KCNT1: variants seen among roughly 807,000 people sequenced by gnomAD.
KCNT1 encodes potassium sodium-activated channel subfamily T member 1, also known as potassium channel subfamily T member 1.
KCNT1 carries 78 observed loss-of-function variants against 147.8 expected under a neutral mutation model. The ratio of observed to expected loss-of-function variants is 0.53; its 90% CI spans 0.44 to 0.64. The LOEUF is 0.64. Ranked by LOEUF, KCNT1 falls within the 30% of genes least tolerant of loss-of-function variation. KCNT1 has a pLI of 0.00. For synonymous variants in KCNT1, 867 were observed against 748.8 expected, an observed-to-expected ratio of 1.16 and a Z score of -2.58; for missense variants, 1,419 against 1,750.3, an observed-to-expected ratio of 0.81 and a Z score of 3.38.
At chr9:135,788,212 C>T (rs748119772) in intron 29 of KCNT1, 3 of 1,457,846 alleles carry the variant, frequency 2.1e-6, no homozygotes, top group South Asian at 1.1e-5. Context: ...GGCTCGCCAA[C>T]CCTTCACCGC....
intron 1 of KCNT1, among the ~76,000 whole-genome samples, chr9:135,709,018 T>C (rs1285306988): frequency 2.0e-5 from 3 of 152,152 alleles, no homozygotes; most frequent in Non-Finnish European, 4.4e-5. Context: ...GCTGTTCCGT[T>C]TGCCATAACA....
intron 2 of KCNT1, among the ~76,000 whole-genome samples, chr9:135,749,867 T>C (rs992747515): frequency 6.6e-6 from 1 of 151,932 alleles, no homozygotes; most frequent in African/African-American, 2.4e-5. Flanking sequence ...TGCCCAGGGC[T>C]GCGGGGAGGA....
rs540489864 is a variant in KCNT1, at chr9:135,763,480, G to A, written c.1036-1551G>A. ...GACAGGCAGCTTAAACAGCAGATAT[G>A]TATCCTCCGCCAGCCCTGGAGGACA... On this transcript the variant is annotated intron_variant, in intron 11 of 30. Transcript: ENST00000371757. Among the ~76,000 whole-genome samples the A allele has an allele frequency of 2.0e-4, 30 of 152,328 alleles. 1 individual carries two copies. In the South Asian group the frequency reaches 5.8e-3, roughly 29 times the overall value.
chr9:135,755,226 G>T, intron 6 of KCNT1, 57 bp downstream of exon 6: 1 of 1,454,648 alleles, frequency 6.9e-7, no homozygotes, highest in Non-Finnish European at 9.4e-7. Context: ...AAGCACTGAG[G>T]ACCAACCCAG....
intron 2 of KCNT1, among the ~76,000 whole-genome samples, chr9:135,731,255 C>G (rs139437340): frequency 3.8e-4 from 58 of 152,298 alleles, no homozygotes; most frequent in African/African-American, 1.3e-3. Flanking sequence ...CAGTCATTCT[C>G]TGGGGATGGG....
At position 135,725,464 on chromosome 9, in the gene KCNT1, A is replaced by G. The variant is rs113495018; in HGVS notation, c.254+10744A>G. ...CAGACGCAGAGATCAGAGTGACGCT[A>G]CCACGAGCCCAGGGCCACCAGGAGC... is the stretch of plus-strand genomic sequence containing the variant. On this transcript the variant is annotated intron_variant, in intron 2 of 30. Coordinates refer to ENST00000371757, the MANE Select transcript of KCNT1 (RefSeq NM_020822.3). 5.8e-3 allele frequency among the ~76,000 whole-genome samples: 879 copies of G among 152,354 alleles called. 8 individuals carry two copies. Among genetic ancestry groups the G allele is most frequent in the African/African-American group, 0.02 (823 of 41,576 alleles).
At chr9:135,727,205 C>CT (rs1836234255) in intron 2 of KCNT1, among the ~76,000 whole-genome samples, 1 of 86,728 alleles carries the variant, frequency 1.2e-5, no homozygotes, top group Non-Finnish European at 2.3e-5. Context: ...TTCTCTCTCT[C>CT]CCTCTCCCTC....
rs1268373684 is a variant in KCNT1, at chr9:135,752,584, AGATGGGTGGAT to A, written c.435-1347_435-1337del. The A allele has an allele frequency of 1.7e-5, 6 of 359,054 alleles. No homozygotes were observed. Among genetic ancestry groups the A allele is most frequent in the Non-Finnish European group, 2.8e-5 (5 of 180,954 alleles). The allele number at this position is 359,054 out of a possible 1,614,324, so 22.2% of individuals were successfully genotyped here. ...GTCCAGGACATGGATGGGGGTGGGAAGATGGGTGGATGATGGATGGATGGTTGGATGGATGG... is the reference window on the plus strand; with the variant it reads ...GTCCAGGACATGGATGGGGGTGGGAAGATGGATGGATGGTTGGATGGATGG... On this transcript the variant is annotated intron_variant, in intron 4 of 30. Coordinates refer to ENST00000371757, the MANE Select transcript of KCNT1 (RefSeq NM_020822.3). This position sits in a 1 kb window ranked among gnomAD's most constrained non-coding sequence, Gnocchi z 5.1.
chr9:135,727,851 G>A (rs765193418), intron 2 of KCNT1, among the ~76,000 whole-genome samples: 3 of 152,210 alleles, frequency 2.0e-5, no homozygotes, highest in East Asian at 1.9e-4. Flanking sequence ...CTGACTGACC[G>A]TCCCAATCTG....
intron 13 of KCNT1, among the ~76,000 whole-genome samples, chr9:135,768,206 G>T (rs1263685817): frequency 7.3e-6 from 1 of 136,836 alleles, no homozygotes; most frequent in Non-Finnish European, 1.6e-5. Context: ...TGCCAGGGAT[G>T]GGCCAGGGAG....
rs562980960 is a variant in KCNT1, at chr9:135,719,555, C to T, written c.254+4835C>T. Reference sequence around the variant, plus strand: ...AGGGGTGGGGCAGGCAGCCACCCCCCGCCATGCTGCACCAGGACCCAGCCC... The same window carrying T: ...AGGGGTGGGGCAGGCAGCCACCCCCTGCCATGCTGCACCAGGACCCAGCCC... On this transcript the variant is annotated intron_variant, in intron 2 of 30. Coordinates refer to ENST00000371757, the MANE Select transcript of KCNT1 (RefSeq NM_020822.3). Among the ~76,000 whole-genome samples, 683 of 152,242 alleles carry T rather than the reference C, an allele frequency of 4.5e-3. 3 individuals are homozygous for T. Among genetic ancestry groups the T allele is most frequent in the African/African-American group, 0.014 (587 of 41,558 alleles).
At chr9:135,708,698 C>G (rs1462365197) in intron 1 of KCNT1, among the ~76,000 whole-genome samples, 2 of 152,222 alleles carry the variant, frequency 1.3e-5, no homozygotes, top group Non-Finnish European at 2.9e-5. Context: ...CTACAGGCAC[C>G]ATGCCTGGAT....
At chr9:135,735,726 C>T (rs1404411894) in intron 2 of KCNT1, among the ~76,000 whole-genome samples, 1 of 152,180 alleles carries the variant, frequency 6.6e-6, no homozygotes, top group Non-Finnish European at 1.5e-5. Context: ...AGATCCCTGG[C>T]TTGCAAGGAC....
In KCNT1 at chr9:135,751,024, G is replaced by C. The variant is rs542441332; in HGVS notation, c.417G>C (p.Pro139=). Residue 139 remains proline, a synonymous_variant, in exon 4 of 31, where the codon CCG becomes CCC. Coordinates refer to ENST00000371757, the MANE Select transcript of KCNT1 (RefSeq NM_020822.3). ...TTGTGCGCGTCCTGCTCGATGACCC[G>C]GCCCTGGGCATCGGATGGTGGGCCA... ...LYIVRVLLDD[P]ALGIGCWGCP... 12 of 1,611,602 alleles carry C rather than the reference G, an allele frequency of 7.4e-6. No homozygotes were observed. In the South Asian group the frequency reaches 7.7e-5, roughly 10 times the overall value.
At chr9:135,769,061 G>T (rs547501625) in intron 15 of KCNT1, 124 bp downstream of exon 15, 2 of 738,794 alleles carry the variant, frequency 2.7e-6, no homozygotes, top group East Asian at 5.5e-5. Context: ...GGGGCAGGAC[G>T]CGTGTGCACA....
At position 135,792,255 on chromosome 9, in the gene KCNT1, T is replaced by TG; in HGVS notation, c.*98dup. The TG allele has an allele frequency of 7.0e-7, 1 of 1,425,764 alleles. No homozygotes were observed. The highest frequency in any genetic ancestry group is 2.5e-5 in the East Asian group (1 of 40,532). 88.3% of individuals were successfully genotyped at this position (1,425,764 alleles called of 1,614,324 possible). A position where few individuals can be genotyped will look rare whatever the true frequency, so the allele number is the denominator to read the frequency against. ...GGACACGGTGGCACTAGCGTGACCC[T>TG]GGGGATGGCACACTCTACTCACCAT... On this transcript the variant is annotated 3_prime_UTR_variant, in exon 31 of 31. Transcript: ENST00000371757.
intron 9 of KCNT1, among the ~76,000 whole-genome samples, chr9:135,758,159 G>A (rs1230596978): frequency 1.3e-5 from 2 of 149,244 alleles, no homozygotes; most frequent in East Asian, 4.1e-4. Context: ...GTGGGCCTCA[G>A]CCGAGACACA....
At chr9:135,739,788 C>T (rs961111512) in intron 2 of KCNT1, among the ~76,000 whole-genome samples, 1 of 152,210 alleles carries the variant, frequency 6.6e-6, no homozygotes, top group African/African-American at 2.4e-5. Context: ...CTCCCCCACC[C>T]TAGAATGCAC....
At chr9:135,758,662 G>A (rs1831682985) in intron 10 of KCNT1, among the ~76,000 whole-genome samples, 154 bp downstream of exon 10, 2 of 152,216 alleles carry the variant, frequency 1.3e-5, no homozygotes, top group Non-Finnish European at 2.9e-5. Flanking sequence ...CACCAAGCTG[G>A]GACTGAGGTC....
Sources: gnomAD v4.1 joint callset for allele counts (sites outside exome capture counted in the v4.1 genomes callset) on GRCh38, gnomAD v4.1.1 for gene constraint, Gnocchi (gnomAD v3.1) non-coding constraint, MANE v1.5 for transcripts, NCBI Gene and HGNC (gene_info 2026-07-23, HGNC 2026-07-21) for gene names.